SSBP2: variants seen among roughly 807,000 people sequenced by gnomAD.
SSBP2 encodes single-stranded DNA-binding protein 2.
A neutral mutation model predicts 61.8 loss-of-function variants in SSBP2; 17 were observed. That is an observed-to-expected ratio of 0.28 (90% CI 0.19 to 0.41). SSBP2 has a LOEUF of 0.41. Among genes scored for constraint, SSBP2 ranks in the 10% least tolerant of loss-of-function variants. The pLI, the probability that SSBP2 is intolerant of heterozygous loss-of-function variation, is 1.00. For missense variants in SSBP2, 310 were observed against 458.7 expected, an observed-to-expected ratio of 0.68 and a Z score of 2.96; for synonymous variants, 139 against 141.3, an observed-to-expected ratio of 0.98 and a Z score of 0.12.
At position 81,456,868 on chromosome 5, in the gene SSBP2, C is replaced by T. The variant is rs569548749; in HGVS notation, c.687+4187G>A. Among the ~76,000 whole-genome samples, 17 of 152,258 alleles carry T rather than the reference C, an allele frequency of 1.1e-4. No homozygotes were observed. In the South Asian group the frequency reaches 2.9e-3, roughly 26 times the overall value. On this transcript the variant is annotated intron_variant, in intron 10 of 16. Transcript: ENST00000320672. ...ATACATATATTATGGATAAGACAGA[C>T]AGGTTTCATACTTTCAGAGAAGTGA...
At chr5:81,668,552 A>T (rs564826708) in intron 1 of SSBP2, among the ~76,000 whole-genome samples, 3,663 of 152,216 alleles carry the variant, frequency 0.024, 150 homozygotes, top group African/African-American at 0.083. Context: ...TTTAATTTAT[A>T]AACAATTTAT....
At chr5:81,641,420 C>T (rs931542256) in intron 2 of SSBP2, among the ~76,000 whole-genome samples, 3 of 152,170 alleles carry the variant, frequency 2.0e-5, no homozygotes, top group South Asian at 4.1e-4. Context: ...ATTCATCCTT[C>T]TCTCCTTAAA....
At chr5:81,698,335 TCTAC>T (rs1473076741) in intron 1 of SSBP2, among the ~76,000 whole-genome samples, 1 of 152,238 alleles carries the variant, frequency 6.6e-6, no homozygotes, top group African/African-American at 2.4e-5. Context: ...ATCTGAATGT[TCTAC>T]CTATTTTCAT....
At chr5:81,687,239 A>G (rs966094850) in intron 1 of SSBP2, among the ~76,000 whole-genome samples, 2 of 152,236 alleles carry the variant, frequency 1.3e-5, no homozygotes, top group African/African-American at 4.8e-5. Context: ...TCAGTGCTGC[A>G]TGTCACAGCA....
chr5:81,490,347 ATTTT>A (rs1466804761), intron 5 of SSBP2, among the ~76,000 whole-genome samples: 1 of 152,012 alleles, frequency 6.6e-6, no homozygotes, highest in Non-Finnish European at 1.5e-5. Context: ...TTAAAATTTG[ATTTT>A]TTATTTATTT....
intron 15 of SSBP2, among the ~76,000 whole-genome samples, chr5:81,433,235 G>A (rs944393447): frequency 2.6e-5 from 4 of 152,002 alleles, no homozygotes; most frequent in African/African-American, 7.3e-5. Flanking sequence ...AAGTAGACAT[G>A]GGAGACTTTT....
intron 11 of SSBP2, among the ~76,000 whole-genome samples, chr5:81,447,326 T>C: frequency 6.6e-6 from 1 of 152,348 alleles, no homozygotes; most frequent in Non-Finnish European, 1.5e-5. Flanking sequence ...TATCTGCTTA[T>C]TGATTCATAT....
At chr5:81,720,057 C>T (rs998873515) in intron 1 of SSBP2, among the ~76,000 whole-genome samples, 1 of 151,932 alleles carries the variant, frequency 6.6e-6, no homozygotes, top group Non-Finnish European at 1.5e-5. Context: ...GTAGTCTGCC[C>T]GCAAGCCAGC....
At position 81,686,157 on chromosome 5, in the gene SSBP2, A is replaced by G. The variant is rs191594079; in HGVS notation, c.63-35818T>C. On this transcript the variant is annotated intron_variant, in intron 1 of 16. Transcript: ENST00000320672. ...TGAACCAGTTATTCCTTTAAAATAA[A>G]GAGCCACATTTATCAACCAAATTCC... 1.5e-4 allele frequency among the ~76,000 whole-genome samples: 23 copies of G among 152,348 alleles called. No homozygotes were observed. In the East Asian group the frequency reaches 2.3e-3, roughly 15 times the overall value.
intron 1 of SSBP2, among the ~76,000 whole-genome samples, chr5:81,705,424 A>C (rs1324811567): frequency 6.6e-6 from 1 of 152,166 alleles, no homozygotes; most frequent in Non-Finnish European, 1.5e-5. Flanking sequence ...TTTAATATTA[A>C]AGGACACATA....
chr5:81,466,872 C>A, intron 9 of SSBP2, 102 bp downstream of exon 9: 1 of 664,122 alleles, frequency 1.5e-6, no homozygotes. Flanking sequence ...ATTTTAGAGG[C>A]CAGAAAATAG....
chr5:81,587,643 T>C (rs1260961799), intron 4 of SSBP2, among the ~76,000 whole-genome samples: 1 of 152,064 alleles, frequency 6.6e-6, no homozygotes, highest in Non-Finnish European at 1.5e-5. Flanking sequence ...GACAGGGGAA[T>C]TGCCTGAGCC....
At chr5:81,710,590 C>T (rs1754707478) in intron 1 of SSBP2, 1 of 417,234 alleles carries the variant, frequency 2.4e-6, no homozygotes, top group African/African-American at 2.1e-5. Context: ...GAGGGGACTT[C>T]AACTGAAAAC....
At chr5:81,729,243 GT>G (rs1309570370) in intron 1 of SSBP2, among the ~76,000 whole-genome samples, 1 of 152,026 alleles carries the variant, frequency 6.6e-6, no homozygotes, top group Admixed American at 6.6e-5. Flanking sequence ...ACTGAATTAG[GT>G]TATATTTGCG....
At chr5:81,464,699 T>C (rs924299669) in intron 9 of SSBP2, among the ~76,000 whole-genome samples, 3 of 152,130 alleles carry the variant, frequency 2.0e-5, no homozygotes, top group African/African-American at 7.2e-5. Flanking sequence ...TCTGGCATGC[T>C]CCTCCTAACA....
intron 1 of SSBP2, among the ~76,000 whole-genome samples, chr5:81,738,734 T>C (rs1280380064): frequency 6.6e-6 from 1 of 152,192 alleles, no homozygotes; most frequent in Non-Finnish European, 1.5e-5. Context: ...AGAAAAATGA[T>C]GACGCTATAA....
chr5:81,703,425 C>G (rs1347507236), intron 1 of SSBP2, among the ~76,000 whole-genome samples: 1 of 152,034 alleles, frequency 6.6e-6, no homozygotes, highest in Non-Finnish European at 1.5e-5. Context: ...TAGTGATTCC[C>G]TGAGACAGGA....
At position 81,470,959 on chromosome 5, in the gene SSBP2, C is replaced by CT. The variant is rs1242626380; in HGVS notation, c.570+2740dup. Among the ~76,000 whole-genome samples the CT allele has an allele frequency of 3.3e-5, 5 of 151,312 alleles. No homozygotes were observed. In the East Asian group the frequency reaches 7.7e-4, roughly 23 times the overall value. On this transcript the variant is annotated intron_variant, in intron 8 of 16. Coordinates refer to ENST00000320672, the MANE Select transcript of SSBP2 (RefSeq NM_012446.5). ...CTGATTCCAAATTATTTTACCTGAC[C>CT]TTTTTTTATTGTACTATCTTATAAA... is the stretch of plus-strand genomic sequence containing the variant.
chr5:81,632,088 AT>A (rs958074022), intron 3 of SSBP2, among the ~76,000 whole-genome samples: 48 of 152,068 alleles, frequency 3.2e-4, no homozygotes, highest in East Asian at 1.2e-3. Flanking sequence ...AAAACAAATT[AT>A]TTTTTTTCTC....
Sources: allele counts gnomAD v4.1 joint callset (sites outside exome capture counted in the v4.1 genomes callset), GRCh38; gene constraint gnomAD v4.1.1; transcripts MANE v1.5; gene names NCBI Gene and HGNC (gene_info 2026-07-23, HGNC 2026-07-21).